The following CSNK2A2 variants were observed in gnomAD, a reference collection of about 807,000 sequenced individuals.
CSNK2A2 encodes the protein casein kinase II subunit alpha'.
A neutral mutation model predicts 54.0 loss-of-function variants in CSNK2A2; 8 were observed. That is an observed-to-expected ratio of 0.15 (90% CI 0.09 to 0.27). The LOEUF (loss-of-function observed/expected upper bound fraction) is 0.27, where lower values mean the gene tolerates loss of function less well. Among genes scored for constraint, CSNK2A2 ranks in the 10% least tolerant of loss-of-function variants. The pLI, the probability that CSNK2A2 is intolerant of heterozygous loss-of-function variation, is 1.00. For synonymous variants in CSNK2A2, 141 were observed against 153.9 expected, an observed-to-expected ratio of 0.92 and a Z score of 0.62; for missense variants, 242 against 439.4, an observed-to-expected ratio of 0.55 and a Z score of 4.02.
intron 2 of CSNK2A2, among the ~76,000 whole-genome samples, chr16:58,192,042 A>C (rs1221430292): frequency 1.3e-5 from 2 of 152,208 alleles, no homozygotes; most frequent in Non-Finnish European, 2.9e-5. Context: ...AGATTACTAA[A>C]ACATGACAAT....
At chr16:58,174,849 T>C (rs775012635) in intron 4 of CSNK2A2, among the ~76,000 whole-genome samples, 3 of 151,440 alleles carry the variant, frequency 2.0e-5, no homozygotes, top group Non-Finnish European at 2.9e-5. Context: ...TTCACATTCT[T>C]ACCGAACATC....
chr16:58,190,919 T>G (rs1055943110), intron 2 of CSNK2A2, among the ~76,000 whole-genome samples: 1 of 152,200 alleles, frequency 6.6e-6, no homozygotes, highest in African/African-American at 2.4e-5. Context: ...CAGGAGATAT[T>G]TGTACACTCA....
intron 4 of CSNK2A2, 55 bp from the exon 5 acceptor site, chr16:58,174,565 T>A: frequency 6.3e-6 from 9 of 1,430,042 alleles, no homozygotes; most frequent in South Asian, 3.5e-5. Flanking sequence ...CATCTTGTCA[T>A]CCTAAGTGCA....
chr16:58,168,572 T>A, intron 6 of CSNK2A2, 38 bp downstream of exon 6: 5 of 1,580,464 alleles, frequency 3.2e-6, no homozygotes, highest in Non-Finnish European at 4.3e-6. Context: ...GCTCTAAGCC[T>A]TTTAATCAAG....
chr16:58,169,659 T>C (rs923006259), intron 5 of CSNK2A2, among the ~76,000 whole-genome samples: 5 of 152,206 alleles, frequency 3.3e-5, no homozygotes, highest in African/African-American at 9.7e-5. Context: ...TCTTTCAGTA[T>C]GGCTTATTTT....
chr16:58,168,516 C>T, intron 6 of CSNK2A2, 94 bp downstream of exon 6: 1 of 993,052 alleles, frequency 1.0e-6, no homozygotes, highest in Admixed American at 2.4e-5. Flanking sequence ...AAAAACCCAC[C>T]ACGGGTCTAC....
chr16:58,164,263 A>AG (rs1263329675), intron 10 of CSNK2A2, 116 bp from the exon 11 acceptor site: 15 of 818,030 alleles, frequency 1.8e-5, no homozygotes, highest in East Asian at 2.6e-5. Flanking sequence ...AGCCAGGGTC[A>AG]GGGGGGCAAC....
In CSNK2A2 at chr16:58,183,776, G is replaced by A. The variant is rs571017497; in HGVS notation, c.369+484C>T. Among the ~76,000 whole-genome samples, 95 of 152,074 alleles carry A rather than the reference G, an allele frequency of 6.2e-4. 1 individual carries two copies. Among genetic ancestry groups the A allele is most frequent in the African/African-American group, 2.3e-3 (94 of 41,472 alleles). On this transcript the variant is annotated intron_variant, in intron 4 of 11. Transcript: ENST00000262506. ...CATTATAAGAAAATGTAAAAAACCC[G>A]ATAGGGCTCTTCTAAAGCACTGACT...
chr16:58,183,135 G>T (rs1962101279), intron 4 of CSNK2A2, among the ~76,000 whole-genome samples: 1 of 151,970 alleles, frequency 6.6e-6, no homozygotes, highest in Non-Finnish European at 1.5e-5. Context: ...CGAGGTGGGT[G>T]GATCACCTGA....
intron 10 of CSNK2A2, among the ~76,000 whole-genome samples, chr16:58,165,044 G>A (rs1449340437): frequency 1.3e-5 from 2 of 152,168 alleles, no homozygotes; most frequent in Non-Finnish European, 2.9e-5. Flanking sequence ...AGAAGAATAA[G>A]CAAACACGCA....
chr16:58,169,056 A>G (rs865847005), intron 5 of CSNK2A2, among the ~76,000 whole-genome samples: 36 of 151,998 alleles, frequency 2.4e-4, no homozygotes, highest in African/African-American at 8.2e-4. Flanking sequence ...CCTCCCGAGT[A>G]GCTAGGACTA....
chr16:58,177,840 TAAG>T (rs1305300618), intron 4 of CSNK2A2, among the ~76,000 whole-genome samples: 1 of 152,212 alleles, frequency 6.6e-6, no homozygotes, highest in Non-Finnish European at 1.5e-5. Flanking sequence ...GTCACCAGTT[TAAG>T]AATTGTTTAC....
chr16:58,185,948 T>C (rs1962182651), intron 3 of CSNK2A2, among the ~76,000 whole-genome samples: 1 of 152,254 alleles, frequency 6.6e-6, no homozygotes, highest in African/African-American at 2.4e-5. Flanking sequence ...ACTCAGTGCA[T>C]GTTAGCTACT....
intron 9 of CSNK2A2, among the ~76,000 whole-genome samples, chr16:58,166,032 G>A (rs2142410452): frequency 6.6e-6 from 1 of 152,302 alleles, no homozygotes; most frequent in African/African-American, 2.4e-5. Flanking sequence ...TTATTGGTCA[G>A]CAGATATATT....
intron 4 of CSNK2A2, among the ~76,000 whole-genome samples, chr16:58,183,254 G>A (rs889887592): frequency 1.3e-5 from 2 of 151,950 alleles, no homozygotes; most frequent in South Asian, 2.1e-4. Context: ...GTGCATGCCT[G>A]TAATCTCAGC....
intron 2 of CSNK2A2, among the ~76,000 whole-genome samples, chr16:58,193,855 C>T (rs1042059817): frequency 2.0e-5 from 3 of 152,152 alleles, no homozygotes; most frequent in South Asian, 4.1e-4. Flanking sequence ...AAAGATACAA[C>T]CTCTCTATTG....
rs75448596 is a variant in CSNK2A2 at position 58,179,029 on chromosome 16, A to G, written c.370-4519T>C. Among the ~76,000 whole-genome samples the G allele has an allele frequency of 3.1e-3, 472 of 152,352 alleles. 13 individuals are homozygous for G. The East Asian group carries it at 0.077, about 25-fold the overall frequency. ...AATAATTATAGAGAAACTTTTGAGT[A>G]TGAACTTATCTTAGATGGCATTATT... On this transcript the variant is annotated intron_variant, in intron 4 of 11. Transcript: ENST00000262506.
At chr16:58,193,638 T>A (rs113636154) in intron 2 of CSNK2A2, among the ~76,000 whole-genome samples, 119 of 152,350 alleles carry the variant, frequency 7.8e-4, no homozygotes, top group African/African-American at 2.7e-3. Flanking sequence ...CAGGCAGTAT[T>A]CATAAAATGC....
At position 58,182,302 on chromosome 16, in the gene CSNK2A2, A is replaced by G. The variant is rs966762836; in HGVS notation, c.369+1958T>C. ...TCCCAGCACTTTGGGAGGCCAAGGC[A>G]GGTGGATCACGAGGTAAGCCATCGA... On this transcript the variant is annotated intron_variant, in intron 4 of 11. Transcript: ENST00000262506. 2.9e-5 allele frequency among the ~76,000 whole-genome samples: 4 copies of G among 140,100 alleles called. No homozygotes were observed. The Admixed American group carries it at 3.1e-4, about 11-fold the overall frequency. 91.9% of individuals were successfully genotyped at this position (140,100 alleles called of 152,430 possible).
Sources: gnomAD v4.1 joint callset for allele counts (sites outside exome capture counted in the v4.1 genomes callset) on GRCh38, gnomAD v4.1.1 for gene constraint, MANE v1.5 for transcripts, NCBI Gene and HGNC (gene_info 2026-07-23, HGNC 2026-07-21) for gene names.